SLC37A3: variants seen among roughly 807,000 people sequenced by gnomAD.
SLC37A3 encodes sugar phosphate exchanger 3.
SLC37A3 carries 51 observed loss-of-function variants against 67.1 expected under a neutral mutation model. That is an observed-to-expected ratio of 0.76 (90% CI 0.61 to 0.96). The LOEUF (loss-of-function observed/expected upper bound fraction) is 0.96. Ranked by LOEUF, SLC37A3 falls within the 40% of genes least tolerant of loss-of-function variation. The pLI is 0.00. For synonymous variants in SLC37A3, 214 were observed against 231.4 expected (o/e 0.92, Z 0.68); for missense variants, 508 against 603.0 (o/e 0.84, Z 1.65).
intron 5 of SLC37A3, among the ~76,000 whole-genome samples, chr7:140,360,406 T>A (rs1181836719): frequency 6.6e-6 from 1 of 152,068 alleles, no homozygotes; most frequent in East Asian, 1.9e-4. Context: ...TCAACAAAAA[T>A]TCCTGACTAG....
intron 5 of SLC37A3, among the ~76,000 whole-genome samples, chr7:140,361,229 TC>T (rs1229726681): frequency 6.6e-6 from 1 of 151,062 alleles, no homozygotes; most frequent in East Asian, 2.0e-4. Flanking sequence ...ACACCTGTAA[TC>T]CCAGCACTTT....
rs143031648 is a variant in SLC37A3, at chr7:140,356,638, G to A, written c.522-874C>T. Reference sequence around the variant, plus strand: ...GCGGAGGTTGCAGTGAGCCGAGATCGCACCACTATACTCCAGCCTGGGTGA... The same window carrying A: ...GCGGAGGTTGCAGTGAGCCGAGATCACACCACTATACTCCAGCCTGGGTGA... On this transcript the variant is annotated intron_variant, in intron 6 of 14. Transcript: ENST00000326232. 2.1e-3 allele frequency among the ~76,000 whole-genome samples: 319 copies of A among 152,032 alleles called. 2 individuals are homozygous for A. The highest frequency in any genetic ancestry group is 3.4e-3 in the Non-Finnish European group (234 of 67,970).
chr7:140,361,535 C>CCG lies in SLC37A3; in HGVS notation c.376-2751_376-2750insCG, dbSNP rs1491252717. Among the ~76,000 whole-genome samples the CCG allele has an allele frequency of 2.0e-3, 200 of 97,828 alleles. 15 individuals are homozygous for CCG. Among genetic ancestry groups the CCG allele is most frequent in the East Asian group, 0.017 (45 of 2,722 alleles). The allele number at this position is 97,828 out of a possible 152,430, so 64.2% of individuals were successfully genotyped here. On this transcript the variant is annotated intron_variant, in intron 5 of 14. Transcript: ENST00000326232. ...CCCCTCCCCCTCCCCCTCCCCCTCC[C>CCG]TCTCTCCCTCTCCGTCTCCCTCTCT...
At chr7:140,342,965 T>C (rs557779215) in intron 13 of SLC37A3, among the ~76,000 whole-genome samples, 2 of 152,300 alleles carry the variant, frequency 1.3e-5, no homozygotes, top group African/African-American at 4.8e-5. Flanking sequence ...GCAGAGTCCA[T>C]GGCCATGTCT....
At chr7:140,381,361 AAT>A (rs1798245870) in intron 2 of SLC37A3, among the ~76,000 whole-genome samples, 2 of 151,508 alleles carry the variant, frequency 1.3e-5, no homozygotes, top group African/African-American at 4.8e-5. Context: ...AAATAATAAT[AAT>A]AAAAAATAAT....
chr7:140,339,254 T>C (rs1461626607), intron 13 of SLC37A3, among the ~76,000 whole-genome samples: 1 of 145,404 alleles, frequency 6.9e-6, no homozygotes, highest in Non-Finnish European at 1.5e-5. Flanking sequence ...AATATCTGAG[T>C]CCCAGTTTTG....
At chr7:140,351,562 C>G (rs1219684871) in intron 8 of SLC37A3, 111 bp from the exon 9 acceptor site, 1 of 1,188,174 alleles carries the variant, frequency 8.4e-7, no homozygotes, top group East Asian at 2.4e-5. Flanking sequence ...TTTACAGAAG[C>G]AGCAACGAAG....
At chr7:140,396,894 GT>G (rs55939918) in intron 1 of SLC37A3, among the ~76,000 whole-genome samples, 48,575 of 103,944 alleles carry the variant, frequency 0.47, 8,101 homozygotes, top group Middle Eastern at 0.54. Flanking sequence ...TTTTTTTTTT[GT>G]TTTTTTTTTT....
intron 1 of SLC37A3, among the ~76,000 whole-genome samples, chr7:140,384,470 G>T (rs1232577298): frequency 6.6e-6 from 1 of 152,056 alleles, no homozygotes; most frequent in Non-Finnish European, 1.5e-5. Flanking sequence ...CCCACACTTT[G>T]GTAGGCCAAG....
Position 140,348,871 on chromosome 7 carries a change from A to G in SLC37A3, c.883-104T>C, listed in dbSNP as rs531153269. The G allele has an allele frequency of 5.3e-5, 73 of 1,384,246 alleles. No individual in the cohort carries two copies. The African/African-American group carries it at 1.0e-3, about 19-fold the overall frequency. 85.7% of individuals were successfully genotyped at this position (1,384,246 alleles called of 1,614,324 possible). On this transcript the variant is annotated intron_variant, in intron 9 of 14. Transcript: ENST00000326232. ...AAACAAAATAAAGGAAGTTAGGATG[A>G]ACAGAACCTGATTTTACAGTTAAAC... is the stretch of plus-strand genomic sequence containing the variant.
chr7:140,347,260 A>G (rs1046670614), intron 10 of SLC37A3, among the ~76,000 whole-genome samples: 1 of 151,988 alleles, frequency 6.6e-6, no homozygotes, highest in Non-Finnish European at 1.5e-5. Context: ...AAAAAAAAAA[A>G]AAGAAAAAAA....
At chr7:140,375,490 T>A (rs1043222742) in intron 3 of SLC37A3, among the ~76,000 whole-genome samples, 3 of 150,156 alleles carry the variant, frequency 2.0e-5, no homozygotes, top group Admixed American at 6.6e-5. Flanking sequence ...AAAAAAAAAA[T>A]TAAATCTAAA....
At chr7:140,354,658 T>A (rs1796946911) in intron 7 of SLC37A3, among the ~76,000 whole-genome samples, 1 of 152,088 alleles carries the variant, frequency 6.6e-6, no homozygotes, top group African/African-American at 2.4e-5. Flanking sequence ...TCAAATTCTG[T>A]ATCTTTCTGT....
intron 7 of SLC37A3, among the ~76,000 whole-genome samples, chr7:140,352,581 AGAAACATATACGG>A (rs779009492): frequency 6.6e-6 from 1 of 152,242 alleles, no homozygotes; most frequent in Non-Finnish European, 1.5e-5. Context: ...AATCCTACTG[AGAAACATATACGG>A]GAATCCAGAT....
intron 1 of SLC37A3, among the ~76,000 whole-genome samples, chr7:140,388,640 G>A (rs1004829910): frequency 5.3e-5 from 8 of 151,728 alleles, no homozygotes; most frequent in Non-Finnish European, 8.8e-5. Flanking sequence ...GCGAAACCCC[G>A]TCTCTACCAA....
rs745608433 is a variant in SLC37A3, at chr7:140,358,645, T to C, written c.516A>G (p.Lys172=). ...VVAVMGNWFG[K]AGRGVVFGLW... Reference sequence around the variant, plus strand: ...AGAGGAAGGAAGTGGCATACCCGGCTTTCCCAAACCAGTTGCCCATAACAG... The same window carrying C: ...AGAGGAAGGAAGTGGCATACCCGGCCTTCCCAAACCAGTTGCCCATAACAG... The change falls in exon 6 of 15, where the codon AAA becomes AAG. Residue 172 remains lysine, a synonymous_variant. Transcript: ENST00000326232. The C allele has an allele frequency of 1.2e-6, 2 of 1,614,078 alleles. No homozygotes were observed. Among genetic ancestry groups the C allele is most frequent in the South Asian group, 2.2e-5 (2 of 91,080 alleles).
At chr7:140,389,264 G>A (rs1346669831) in intron 1 of SLC37A3, among the ~76,000 whole-genome samples, 2 of 152,038 alleles carry the variant, frequency 1.3e-5, no homozygotes, top group Non-Finnish European at 2.9e-5. Flanking sequence ...TTGCTCCTGG[G>A]GATAACATCA....
intron 5 of SLC37A3, among the ~76,000 whole-genome samples, chr7:140,360,125 T>C (rs1015356282): frequency 6.6e-6 from 1 of 152,144 alleles, no homozygotes; most frequent in East Asian, 1.9e-4. Context: ...GGAGGGAGGA[T>C]CACTTAAGGC....
chr7:140,392,319 A>G (rs1316531816), intron 1 of SLC37A3, among the ~76,000 whole-genome samples: 1 of 152,212 alleles, frequency 6.6e-6, no homozygotes, highest in Non-Finnish European at 1.5e-5. Context: ...AACCAAGGTA[A>G]CTATGAGGTA....
Sources: allele counts gnomAD v4.1 joint callset (sites outside exome capture counted in the v4.1 genomes callset), GRCh38; gene constraint gnomAD v4.1.1; transcripts MANE v1.5; gene names NCBI Gene and HGNC (gene_info 2026-07-23, HGNC 2026-07-21).